Variants in MYBL2 observed in about 807,000 individuals in gnomAD.
The protein encoded by MYBL2 is MYB proto-oncogene like 2.
MYBL2 carries 28 observed loss-of-function variants against 79.9 expected under a neutral mutation model. The observed-to-expected ratio is 0.35, with a 90% confidence interval of 0.26 to 0.48. The LOEUF (loss-of-function observed/expected upper bound fraction) is 0.48. Ranked by LOEUF, MYBL2 falls within the 20% of genes least tolerant of loss-of-function variation. The probability of loss-of-function intolerance (pLI) is 0.99; values close to 1 mark genes in which losing one functional copy is unlikely to be tolerated. For synonymous variants in MYBL2, 378 were observed against 361.2 expected (o/e 1.05, Z -0.53); for missense variants, 735 against 893.9 (o/e 0.82, Z 2.27).
rs1227102187 is a variant in MYBL2 at position 43,667,245 on chromosome 20, C to T, written c.-39C>T. ...GCCCGGCTCCCGCTCCGGGCTCTGC[C>T]GGCGGGCGGGCGAGCGCGGCGCGGT... On this transcript the variant is annotated 5_prime_UTR_variant, in exon 1 of 14. Transcript: ENST00000217026. The T allele has an allele frequency of 5.0e-6, 6 of 1,210,792 alleles. No individual in the cohort carries two copies. The highest frequency in any genetic ancestry group is 5.1e-6 in the Non-Finnish European group (5 of 974,242). The allele number at this position is 1,210,792 out of a possible 1,614,324, so 75.0% of individuals were successfully genotyped here.
At chr20:43,686,748 T>C in intron 4 of MYBL2, 104 bp from the exon 5 acceptor site, 2 of 1,109,824 alleles carry the variant, frequency 1.8e-6, no homozygotes, top group Non-Finnish European at 2.6e-6. Flanking sequence ...ATGTGGTAGG[T>C]GGCACCTCTC....
intron 9 of MYBL2, among the ~76,000 whole-genome samples, chr20:43,707,898 G>A (rs191621011): frequency 1.3e-3 from 191 of 152,178 alleles, no homozygotes; most frequent in African/African-American, 4.4e-3. Flanking sequence ...GGCTGGATTG[G>A]TCTCTGTGTC....
At chr20:43,690,563 GCACCC>G (rs1161141814) in intron 5 of MYBL2, among the ~76,000 whole-genome samples, 2 of 152,180 alleles carry the variant, frequency 1.3e-5, no homozygotes, top group Admixed American at 1.3e-4. Context: ...AGCACCAGGA[GCACCC>G]CTTACCCTAC....
rs182618434 is a variant in MYBL2 at position 43,696,427 on chromosome 20, G to C, written c.664-3330G>C. Among the ~76,000 whole-genome samples, 122 of 115,292 alleles carry C rather than the reference G, an allele frequency of 1.1e-3. No homozygotes were observed. In the East Asian group the frequency reaches 0.018, roughly 17 times the overall value. The allele number at this position is 115,292 out of a possible 152,430, so 75.6% of individuals were successfully genotyped here. On this transcript the variant is annotated intron_variant, in intron 6 of 13. Transcript: ENST00000217026. ...GGCTAATTGGGGTTTCTCCATGTTG[G>C]TCAGGCTGGTCTCAAACTCCTGACC... is the stretch of plus-strand genomic sequence containing the variant.
chr20:43,687,593 GTTCT>G (rs1226442829), intron 5 of MYBL2, among the ~76,000 whole-genome samples: 1 of 152,068 alleles, frequency 6.6e-6, no homozygotes, highest in Non-Finnish European at 1.5e-5. Flanking sequence ...ATCTTTTTGA[GTTCT>G]TTATCTCTTT....
chr20:43,705,530 G>A (rs34771484), intron 9 of MYBL2, among the ~76,000 whole-genome samples, 172 bp downstream of exon 9: 22,085 of 151,970 alleles, frequency 0.15, 2,368 homozygotes, highest in African/African-American at 0.3. Context: ...CATTTTTATC[G>A]ATATAGTTTT....
intron 1 of MYBL2, among the ~76,000 whole-genome samples, chr20:43,669,601 C>T (rs1044161444): frequency 3.3e-5 from 5 of 152,186 alleles, no homozygotes; most frequent in African/African-American, 1.2e-4. Context: ...ACTAACTGGA[C>T]TCTGCTTTTT....
intron 4 of MYBL2, among the ~76,000 whole-genome samples, chr20:43,683,884 T>G (rs937048079): frequency 4.6e-5 from 7 of 151,990 alleles, no homozygotes; most frequent in African/African-American, 1.7e-4. Context: ...TTAATTTTTT[T>G]TTGAGACGAG....
At chr20:43,702,133 A>AG (rs990727147) in intron 7 of MYBL2, among the ~76,000 whole-genome samples, 6 of 151,996 alleles carry the variant, frequency 3.9e-5, no homozygotes, top group African/African-American at 1.4e-4. Context: ...TCTCAAAAAA[A>AG]AGTAAAAAAT....
chr20:43,679,031 T>C (rs955035811), intron 2 of MYBL2, among the ~76,000 whole-genome samples: 2 of 151,752 alleles, frequency 1.3e-5, no homozygotes, highest in African/African-American at 4.8e-5. Context: ...GGGAAGAATG[T>C]AAGTTTGGAA....
chr20:43,689,931 A>G (rs1987366354), intron 5 of MYBL2, among the ~76,000 whole-genome samples: 1 of 152,106 alleles, frequency 6.6e-6, no homozygotes, highest in African/African-American at 2.4e-5. Flanking sequence ...TGGAAGCGGA[A>G]CCTGTGACTC....
At position 43,684,055 on chromosome 20, in the gene MYBL2, A is replaced by G. The variant is rs573248311; in HGVS notation, c.279+1169A>G. ...GCAATCCTCCCACCTCAGCTTCTAA[A>G]GTAGCTGGTGCCACATGTGCCACCA... On this transcript the variant is annotated intron_variant, in intron 4 of 13. Coordinates refer to ENST00000217026, the MANE Select transcript of MYBL2 (RefSeq NM_002466.4). 2.0e-5 allele frequency among the ~76,000 whole-genome samples: 3 copies of G among 152,004 alleles called. No homozygotes were observed. The South Asian group carries it at 6.3e-4, about 32-fold the overall frequency.
intron 7 of MYBL2, among the ~76,000 whole-genome samples, chr20:43,700,475 T>C (rs953481429): frequency 5.9e-5 from 9 of 152,134 alleles, no homozygotes; most frequent in Admixed American, 5.2e-4. Context: ...GGGTTCTGGT[T>C]ACTCAGGGTG....
rs776117094 is a variant in MYBL2 at position 43,716,028 on chromosome 20, C to A, written c.2044C>A (p.Arg682=). 6.2e-7 allele frequency: 1 copy of A among 1,611,744 alleles called. No individual in the cohort carries two copies. The highest frequency in any genetic ancestry group is 1.1e-5 in the South Asian group (1 of 91,038). ...RDQLFMQEKA[R]QLLGRLKPSH... ...CCAGCTTTTCATGCAGGAGAAAGCCCGGCAGCTCCTGGGCCGCCTGAAGCC... is the reference window on the plus strand; with the variant it reads ...CCAGCTTTTCATGCAGGAGAAAGCCAGGCAGCTCCTGGGCCGCCTGAAGCC... Residue 682 remains arginine (R), a synonymous_variant, in exon 14 of 14, where the codon CGG becomes AGG. Coordinates refer to ENST00000217026, the MANE Select transcript of MYBL2 (RefSeq NM_002466.4).
intron 12 of MYBL2, among the ~76,000 whole-genome samples, chr20:43,713,577 G>GCTGATCTTTAGTAGA (rs1987962664): frequency 6.6e-6 from 1 of 152,028 alleles, no homozygotes; most frequent in Non-Finnish European, 1.5e-5. Context: ...AGTAGAGACG[G>GCTGATCTTTAGTAGA]GGTTTCTCCA....
intron 2 of MYBL2, among the ~76,000 whole-genome samples, chr20:43,680,887 G>A (rs1303491954): frequency 6.6e-6 from 1 of 152,132 alleles, no homozygotes; most frequent in Admixed American, 6.6e-5. Context: ...AGAACCACCA[G>A]CACAGCCGGG....
chr20:43,680,371 G>A (rs1175075438), intron 2 of MYBL2, among the ~76,000 whole-genome samples: 1 of 152,180 alleles, frequency 6.6e-6, no homozygotes, highest in African/African-American at 2.4e-5. Context: ...GGAATCCTGA[G>A]TATTTGCCCT....
chr20:43,678,857 C>CAAAAAAAAAAA (rs762645852), intron 2 of MYBL2, among the ~76,000 whole-genome samples: 1 of 19,242 alleles, frequency 5.2e-5, no homozygotes, highest in Non-Finnish European at 9.5e-5. Context: ...AACTCCGTCT[C>CAAAAAAAAAAA]AAAAAAAAAA....
intron 6 of MYBL2, among the ~76,000 whole-genome samples, chr20:43,697,608 C>G (rs1302143531): frequency 6.8e-6 from 1 of 146,524 alleles, no homozygotes; most frequent in African/African-American, 2.5e-5. Context: ...GACTCTGTCT[C>G]AAAAAACAAC....
Sources: allele counts gnomAD v4.1 joint callset (sites outside exome capture counted in the v4.1 genomes callset), GRCh38; gene constraint gnomAD v4.1.1; transcripts MANE v1.5; gene names NCBI Gene and HGNC (gene_info 2026-07-23, HGNC 2026-07-21).